ROR1: variants seen among roughly 807,000 people sequenced by gnomAD.
The protein encoded by ROR1 is inactive tyrosine-protein kinase transmembrane receptor ROR1.
In ROR1, 19 loss-of-function variants were observed where a neutral mutation model predicts 78.8. That is an observed-to-expected ratio of 0.24 (90% CI 0.17 to 0.35). The LOEUF (loss-of-function observed/expected upper bound fraction) is 0.35, where lower values mean the gene tolerates loss of function less well. Ranked by LOEUF, ROR1 falls within the 10% of genes least tolerant of loss-of-function variation. The pLI is 1.00. For missense variants in ROR1, 917 were observed against 1,177.8 expected, an observed-to-expected ratio of 0.78 and a Z score of 3.24; for synonymous variants, 386 against 433.6, an observed-to-expected ratio of 0.89 and a Z score of 1.36.
chr1:64,001,639 A>G (rs1362704014), intron 1 of ROR1, among the ~76,000 whole-genome samples: 2 of 152,134 alleles, frequency 1.3e-5, no homozygotes, highest in Admixed American at 1.3e-4. Flanking sequence ...CAAGTCCTGA[A>G]TGGACTTTCA....
chr1:64,060,099 T>TTTTCTTTC (rs768774959), intron 4 of ROR1, among the ~76,000 whole-genome samples: 1 of 152,172 alleles, frequency 6.6e-6, no homozygotes, highest in East Asian at 1.9e-4. Flanking sequence ...TGAATTTAAG[T>TTTTCTTTC]TTTCTTTCTT....
rs913516926 is a variant in ROR1, at chr1:63,774,201, A to T, written c.-217A>T. On this transcript the variant is annotated 5_prime_UTR_variant, in exon 1 of 9. Coordinates refer to ENST00000371079, the MANE Select transcript of ROR1 (RefSeq NM_005012.4). The surrounding 1 kb of genome is among the most constrained non-coding windows in gnomAD (Gnocchi z 5.7). ...GACCCGCCGGCCCAGGCGAGGCTGC[A>T]GCCAGAGGGCTGGGAAGGGATCGCG... The T allele has an allele frequency of 3.4e-5, 8 of 236,704 alleles. No individual in the cohort carries two copies. The highest frequency in any genetic ancestry group is 1.2e-4 in the African/African-American group (5 of 43,370). The allele number at this position is 236,704 out of a possible 1,614,324, so 14.7% of individuals were successfully genotyped here.
chr1:63,856,464 G>A (rs1408905412), intron 1 of ROR1, among the ~76,000 whole-genome samples: 1 of 152,150 alleles, frequency 6.6e-6, no homozygotes, highest in Non-Finnish European at 1.5e-5. Context: ...TGTATGCACT[G>A]ATCAGCACTC....
chr1:63,986,364 T>C (rs1646252017), intron 1 of ROR1, among the ~76,000 whole-genome samples: 1 of 152,188 alleles, frequency 6.6e-6, no homozygotes, highest in Admixed American at 6.5e-5. Context: ...ATAATTCCTG[T>C]TCTCATTTTG....
intron 1 of ROR1, among the ~76,000 whole-genome samples, chr1:63,885,865 G>T (rs537230443): frequency 2.8e-4 from 43 of 152,212 alleles, no homozygotes; most frequent in Non-Finnish European, 5.3e-4. Context: ...CCACAGTGGT[G>T]GGGGGATGCT....
chr1:63,833,094 G>A (rs1273364359), intron 1 of ROR1, among the ~76,000 whole-genome samples: 1 of 152,224 alleles, frequency 6.6e-6, no homozygotes, highest in Non-Finnish European at 1.5e-5. Context: ...TTTGCATAGT[G>A]TGGTGATTTC....
At chr1:63,810,218 T>A (rs1364462542) in intron 1 of ROR1, among the ~76,000 whole-genome samples, 1 of 152,202 alleles carries the variant, frequency 6.6e-6, no homozygotes, top group Non-Finnish European at 1.5e-5. Flanking sequence ...ACAAAGCCTT[T>A]GGGTTGATTT....
chr1:63,863,947 T>C (rs958832580), intron 1 of ROR1, among the ~76,000 whole-genome samples: 2 of 152,188 alleles, frequency 1.3e-5, no homozygotes, highest in African/African-American at 4.8e-5. Context: ...GCAGTGTTTT[T>C]CTGATAGGAA....
chr1:64,030,871 G>A (rs900846340), intron 2 of ROR1, among the ~76,000 whole-genome samples: 1 of 152,114 alleles, frequency 6.6e-6, no homozygotes, highest in Admixed American at 6.6e-5. Context: ...AGGGGTGTGT[G>A]TGTGTATGTA....
At chr1:63,864,172 C>A (rs1189008041) in intron 1 of ROR1, among the ~76,000 whole-genome samples, 5 of 152,152 alleles carry the variant, frequency 3.3e-5, no homozygotes, top group Non-Finnish European at 7.3e-5. Flanking sequence ...TTAAGTAAAA[C>A]TTATTCAAGA....
At chr1:63,846,783 G>A (rs956853689) in intron 1 of ROR1, among the ~76,000 whole-genome samples, 5 of 152,298 alleles carry the variant, frequency 3.3e-5, no homozygotes, top group Admixed American at 3.3e-4. Flanking sequence ...TTGACATGAC[G>A]TAACTCTGCG....
intron 1 of ROR1, among the ~76,000 whole-genome samples, chr1:63,870,269 T>C (rs1046209368): frequency 6.6e-6 from 1 of 152,186 alleles, no homozygotes; most frequent in African/African-American, 2.4e-5. Flanking sequence ...TGCGGACATT[T>C]AGCTATCCTT....
At chr1:63,967,320 G>A (rs1646083429) in intron 1 of ROR1, among the ~76,000 whole-genome samples, 1 of 152,134 alleles carries the variant, frequency 6.6e-6, no homozygotes, top group Non-Finnish European at 1.5e-5. Flanking sequence ...TGCATACAAG[G>A]TGAAGGGTGA....
chr1:64,160,835 G>T (rs905379685), intron 8 of ROR1, among the ~76,000 whole-genome samples: 5 of 152,292 alleles, frequency 3.3e-5, no homozygotes, highest in African/African-American at 1.2e-4. Flanking sequence ...AGAACTCTGG[G>T]CGGGGGAGAG....
chr1:64,174,307 A>T (rs1650319826), intron 8 of ROR1, among the ~76,000 whole-genome samples: 1 of 152,216 alleles, frequency 6.6e-6, no homozygotes, highest in Admixed American at 6.5e-5. Context: ...ATGCCACAGG[A>T]TCATGGTGTT....
intron 4 of ROR1, among the ~76,000 whole-genome samples, chr1:64,104,081 T>G (rs1206315429): frequency 2.6e-5 from 4 of 152,144 alleles, no homozygotes; most frequent in Admixed American, 2.6e-4. Context: ...GCGCTGAGAT[T>G]GAGAAACTCT....
chr1:63,834,784 G>T (rs1645010287), intron 1 of ROR1, among the ~76,000 whole-genome samples: 1 of 152,122 alleles, frequency 6.6e-6, no homozygotes, highest in Admixed American at 6.5e-5. Context: ...ACTGTTCCAA[G>T]ATCTGGGCCC....
intron 1 of ROR1, among the ~76,000 whole-genome samples, chr1:63,941,185 A>G (rs1645836577): frequency 1.3e-5 from 2 of 152,222 alleles, no homozygotes; most frequent in Non-Finnish European, 2.9e-5. Flanking sequence ...CATTATTGAA[A>G]CAATTGAAAA....
intron 1 of ROR1, among the ~76,000 whole-genome samples, chr1:63,925,238 T>C (rs1485627235): frequency 6.7e-6 from 1 of 148,866 alleles, no homozygotes. Flanking sequence ...TGTTCAATTC[T>C]CACCTATGAG....
Sources: allele counts gnomAD v4.1 joint callset (sites outside exome capture counted in the v4.1 genomes callset), GRCh38; gene constraint gnomAD v4.1.1; non-coding constraint Gnocchi (gnomAD v3.1); transcripts MANE v1.5; gene names NCBI Gene and HGNC (gene_info 2026-07-23, HGNC 2026-07-21).